ZSCAN5C: variants seen among roughly 807,000 people sequenced by gnomAD.
The protein encoded by ZSCAN5C is zinc finger and SCAN domain containing 5C.
Under a neutral mutation model 17.3 loss-of-function variants are expected in ZSCAN5C, and 11 were observed. The observed-to-expected ratio is 0.64, with a 90% confidence interval of 0.40 to 1.06. ZSCAN5C has a LOEUF of 1.06. Among genes scored for constraint, ZSCAN5C ranks in the 50% least tolerant of loss-of-function variants. The pLI is 0.00. For synonymous variants in ZSCAN5C, 229 were observed against 208.4 expected (o/e 1.10, Z -0.85); for missense variants, 698 against 538.9 (o/e 1.30, Z -2.92).
At chr19:56,208,706 G>A (rs576361997) in exon 5 of ZSCAN5C, 24 of 1,612,526 alleles carry the variant, frequency 1.5e-5, no homozygotes, top group Non-Finnish European at 1.9e-5. Context: ...GATCAATCCA[G>A]TTCATTCCCC....
intron 1 of ZSCAN5C, among the ~76,000 whole-genome samples, chr19:56,204,517 A>G (rs12982751): frequency 0.47 from 69,940 of 150,364 alleles, 17,251 homozygotes; most frequent in East Asian, 0.68. Flanking sequence ...TTCATCTGAG[A>G]TGTCCACACG....
chr19:56,203,524 T>C (rs768243227), intron 1 of ZSCAN5C, among the ~76,000 whole-genome samples: 1 of 151,656 alleles, frequency 6.6e-6, no homozygotes, highest in Non-Finnish European at 1.5e-5. Flanking sequence ...GGACAATTGC[T>C]CTCTTGAACT....
At chr19:56,207,909 CCAAA>C (rs1264651373) in intron 3 of ZSCAN5C, 121 bp from the exon 4 acceptor site, 36 of 608,856 alleles carry the variant, frequency 5.9e-5, no homozygotes, top group Non-Finnish European at 9.4e-5. Context: ...GCCCAGAGAA[CCAAA>C]CAGTGAAAAC....
intron 1 of ZSCAN5C, among the ~76,000 whole-genome samples, chr19:56,202,976 G>A (rs1418223579): frequency 1.3e-5 from 2 of 151,986 alleles, no homozygotes; most frequent in Admixed American, 6.5e-5. Context: ...CCTACCTGGG[G>A]GTCCTGTGTG....
At chr19:56,203,578 C>G (rs1252432122) in intron 1 of ZSCAN5C, among the ~76,000 whole-genome samples, 2 of 151,686 alleles carry the variant, frequency 1.3e-5, no homozygotes, top group Non-Finnish European at 2.9e-5. Context: ...TATATCTCCC[C>G]AACCCTCACC....
At chr19:56,207,160 C>T (rs1419542219) in exon 3 of ZSCAN5C, 1 of 778,572 alleles carries the variant, frequency 1.3e-6, no homozygotes, top group Non-Finnish European at 2.4e-6. Context: ...GACACGTGTC[C>T]AGCCAGCGGA....
intron 2 of ZSCAN5C, among the ~76,000 whole-genome samples, chr19:56,206,634 G>A (rs2032924634): frequency 6.6e-6 from 1 of 151,810 alleles, no homozygotes; most frequent in Non-Finnish European, 1.5e-5. Flanking sequence ...ACTGTGTGAG[G>A]CCAACATGAA....
rs1246934613 is a variant in ZSCAN5C, at chr19:56,208,874, TG to T, written c.1166del (p.Cys389SerfsTer9). ...CGAGAGACTCTTTCAGTGTAATCTCTGCGGGAAGCGCTTCATGCAGCGCATA... is the reference window on the plus strand; with the variant it reads ...CGAGAGACTCTTTCAGTGTAATCTCTCGGGAAGCGCTTCATGCAGCGCATA... On this transcript the variant is annotated frameshift_variant, in exon 5 of 5. Transcript: ENST00000534327. LOFTEE classifies it low-confidence loss of function (END_TRUNC). 3 of 1,592,828 alleles carry T rather than the reference TG, an allele frequency of 1.9e-6. No individual in the cohort carries two copies. The Admixed American group carries it at 5.0e-5, about 27-fold the overall frequency.
At position 56,208,353 on chromosome 19, in the gene ZSCAN5C, G is replaced by A. The variant is rs530747250; in HGVS notation, c.740-96G>A. The A allele has an allele frequency of 3.3e-5, 28 of 840,052 alleles. No individual in the cohort carries two copies. The South Asian group carries it at 4.6e-4, about 14-fold the overall frequency. 52.0% of individuals were successfully genotyped at this position (840,052 alleles called of 1,614,324 possible). On this transcript the variant is annotated intron_variant, in intron 4 of 4. Coordinates refer to ENST00000534327, the Ensembl canonical transcript of ZSCAN5C. The stretch of plus-strand genomic sequence containing the variant: ...CCAATGTCTTAGGTTTAAGGTTGAG[G>A]GGAAGTTGTCAGCCAACATCAGTGT...
At position 56,208,265 on chromosome 19, in the gene ZSCAN5C, C is replaced by T. The variant is rs540216802; in HGVS notation, c.739+81C>T. ...GGCTGGGGTCCCAGCATTATCATGT[C>T]TGGGGGAGTTGGCACTCAGCTGCCA... On this transcript the variant is annotated intron_variant, in intron 4 of 4. Transcript: ENST00000534327. 228 of 670,350 alleles carry T rather than the reference C, an allele frequency of 3.4e-4. 2 individuals are homozygous for T. In the African/African-American group the frequency reaches 3.6e-3, roughly 11 times the overall value. 41.5% of individuals were successfully genotyped at this position (670,350 alleles called of 1,614,324 possible).
chr19:56,207,075 T>C (rs563688156), exon 3 of ZSCAN5C: 1 of 727,984 alleles, frequency 1.4e-6, no homozygotes, highest in East Asian at 2.5e-5. Context: ...GTCAGTTTTC[T>C]TGGCAAGGAA....
exon 5 of ZSCAN5C, chr19:56,208,928 A>G (rs558727325): frequency 1.2e-5 from 20 of 1,613,338 alleles, no homozygotes; most frequent in African/African-American, 1.2e-4. Flanking sequence ...GCGAACCCAC[A>G]CTGGCGAGAG....
exon 3 of ZSCAN5C, chr19:56,207,127 C>G (rs368508517): frequency 5.2e-6 from 4 of 773,804 alleles, no homozygotes; most frequent in East Asian, 2.4e-5. Flanking sequence ...CTGAAGCCCC[C>G]GCCAGTGTCA....
chr19:56,207,715 G>C (rs932069738), intron 3 of ZSCAN5C, among the ~76,000 whole-genome samples: 2 of 151,800 alleles, frequency 1.3e-5, no homozygotes, highest in African/African-American at 4.9e-5. Context: ...ATTGTAGGGG[G>C]TGGTGGGGTG....
intron 1 of ZSCAN5C, among the ~76,000 whole-genome samples, chr19:56,204,640 T>A (rs1335610342): frequency 6.6e-6 from 1 of 151,870 alleles, no homozygotes; most frequent in Admixed American, 6.5e-5. Context: ...TGTCTCCTCC[T>A]CTGGGTTGTC....
exon 5 of ZSCAN5C, chr19:56,209,008 C>T (rs951778024): frequency 1.2e-6 from 2 of 1,612,910 alleles, no homozygotes; most frequent in Non-Finnish European, 1.7e-6. Flanking sequence ...ACAAGAGAAG[C>T]CACACAGGGG....
chr19:56,207,455 C>T (rs981588779), intron 3 of ZSCAN5C, among the ~76,000 whole-genome samples, 193 bp downstream of exon 3: 5 of 147,696 alleles, frequency 3.4e-5, no homozygotes, highest in South Asian at 2.2e-4. Flanking sequence ...TTCTCTCCAC[C>T]ATGAGAGCTT....
intron 4 of ZSCAN5C, 68 bp downstream of exon 4, chr19:56,208,252 A>G: frequency 1.5e-6 from 1 of 689,248 alleles, no homozygotes; most frequent in East Asian, 2.5e-5. Context: ...CTGGGGTCCC[A>G]GCATTATCAT....
At chr19:56,208,964 A>C (rs2032958739) in exon 5 of ZSCAN5C, 8 of 1,613,584 alleles carry the variant, frequency 5.0e-6, no homozygotes, top group Non-Finnish European at 5.9e-6. Flanking sequence ...CATCTGCCAG[A>C]AGCAGTTCAC....
Sources: gnomAD v4.1 joint callset for allele counts (sites outside exome capture counted in the v4.1 genomes callset) on GRCh38, gnomAD v4.1.1 for gene constraint, MANE v1.5 for transcripts, NCBI Gene and HGNC (gene_info 2026-07-23, HGNC 2026-07-21) for gene names.